The following ODAD3 variants were observed in gnomAD, a reference collection of about 807,000 sequenced individuals.
ODAD3 encodes the protein outer dynein arm-docking complex subunit 3.
Under a neutral mutation model 70.9 loss-of-function variants are expected in ODAD3, and 57 were observed. The ratio of observed to expected loss-of-function variants is 0.80; its 90% confidence interval spans 0.65 to 1.00. The LOEUF (loss-of-function observed/expected upper bound fraction) is 1.00, where lower values mean the gene tolerates loss of function less well. ODAD3 is among the 50% of genes least tolerant of loss of function. The probability of loss-of-function intolerance (pLI) is 0.00; values close to 1 mark genes in which losing one functional copy is unlikely to be tolerated. For missense variants in ODAD3, 797 were observed against 763.9 expected, an observed-to-expected ratio of 1.04 and a Z score of -0.51; for synonymous variants, 327 against 315.9, an observed-to-expected ratio of 1.04 and a Z score of -0.37.
Position 11,421,198 on chromosome 19 carries a change from T to C in ODAD3, c.1605A>G (p.Leu535=). The C allele has an allele frequency of 6.2e-7, 1 of 1,613,184 alleles. No individual in the cohort carries two copies. Among genetic ancestry groups the C allele is most frequent in the Admixed American group, 1.7e-5 (1 of 59,900 alleles). The change falls in exon 12 of 13, where the codon TTA becomes TTG. Residue 535 remains leucine, a synonymous_variant. Coordinates refer to ENST00000356392, the MANE Select transcript of ODAD3 (RefSeq NM_145045.5). ...TGTTGTATTCGGGCAGCCTTCCCTCTAAGCTGGCGAGGAACTAAGCGGGGA... is the reference window on the plus strand; with the variant it reads ...TGTTGTATTCGGGCAGCCTTCCCTCCAAGCTGGCGAGGAACTAAGCGGGGA... The part of the protein sequence containing the change: ...HIANREFLAS[L]EGRLPEYNTR...
rs759679831 is a variant in ODAD3, at chr19:11,421,189, C to A, written c.1614G>T (p.Arg538Ser). The A allele has an allele frequency of 7.4e-6, 12 of 1,613,548 alleles. No homozygotes were observed. The highest frequency in any genetic ancestry group is 1.0e-5 in the Non-Finnish European group (12 of 1,179,894). The change falls in exon 12 of 13, where the codon AGG becomes AGT. Residue 538 changes from arginine (R) to serine (S), a missense_variant. Coordinates refer to ENST00000356392, the MANE Select transcript of ODAD3 (RefSeq NM_145045.5). The part of the protein sequence containing the change: ...NREFLASLEG[R>S]LPEYNTRIAL... ...CGATGCGGGTGTTGTATTCGGGCAG[C>A]CTTCCCTCTAAGCTGGCGAGGAACT...
chr19:11,435,560 C>A, upstream of ODAD3: 1 of 698,860 alleles, frequency 1.4e-6, no homozygotes, highest in South Asian at 1.5e-5. Context: ...CCTCTCCCAA[C>A]ATGGCGACCC....
In ODAD3 at chr19:11,426,547, G is replaced by T. The variant is rs888144927; in HGVS notation, c.739C>A (p.Arg247=). 1.9e-6 allele frequency: 3 copies of T among 1,614,030 alleles called. No individual in the cohort carries two copies. Among genetic ancestry groups the T allele is most frequent in the South Asian group, 2.2e-5 (2 of 91,082 alleles). The change falls in exon 6 of 13, where the codon CGG becomes AGG. Residue 247 remains arginine (R), a synonymous_variant. Coordinates refer to ENST00000356392, the MANE Select transcript of ODAD3 (RefSeq NM_145045.5). ...ACCTCAGCCTCCATGGAGTCCAGCC[G>T]GTTCTCCAAGTTGAGGCTCTCGTCC... The part of the protein sequence containing the change: ...LMDESLNLEN[R]LDSMEAEVVR...
At position 11,422,237 on chromosome 19, in the gene ODAD3, G is replaced by T. The variant is rs1256040445; in HGVS notation, c.1434+234C>A. On this transcript the variant is annotated intron_variant, in intron 10 of 12. Transcript: ENST00000356392. The surrounding 1 kb of genome is among the most constrained non-coding windows in gnomAD (Gnocchi z 4.6). ...GAGGCGGAGCTTGAGACGGGACAGG[G>T]TCTCTGACGTCTTGGGCTTCCTTGG... Among the ~76,000 whole-genome samples, 1 of 152,020 alleles carries T rather than the reference G, an allele frequency of 6.6e-6. No homozygotes were observed. Among genetic ancestry groups the T allele is most frequent in the Non-Finnish European group, 1.5e-5 (1 of 67,974 alleles).
chr19:11,425,180 T>C (rs963141990), intron 7 of ODAD3, among the ~76,000 whole-genome samples: 2 of 138,430 alleles, frequency 1.4e-5, no homozygotes, highest in Admixed American at 7.0e-5. Context: ...TATGTACATA[T>C]GTGTATATAT....
Position 11,425,662 on chromosome 19 carries a change from T to TATGCATATAC in ODAD3, c.963+481_963+482insGTATATGCAT, listed in dbSNP as rs1969351381. Among the ~76,000 whole-genome samples, 4 of 138,048 alleles carry TATGCATATAC rather than the reference T, an allele frequency of 2.9e-5. 1 individual carries two copies. Among genetic ancestry groups the TATGCATATAC allele is most frequent in the African/African-American group, 1.3e-4 (4 of 31,912 alleles). The allele number at this position is 138,048 out of a possible 152,430, so 90.6% of individuals were successfully genotyped here. A position where few individuals can be genotyped will look rare whatever the true frequency, so the allele number is the denominator to read the frequency against. On this transcript the variant is annotated intron_variant, in intron 7 of 12. Transcript: ENST00000356392. ...ATATATGTATATACGTATATATATA[T>TATGCATATAC]ATATATATGCAAAAAAAACCTATCA...
chr19:11,425,209 A>G (rs1212672375), intron 7 of ODAD3, among the ~76,000 whole-genome samples: 3 of 140,542 alleles, frequency 2.1e-5, no homozygotes, highest in Non-Finnish European at 4.5e-5. Context: ...GTATGTGTAC[A>G]TATGTGTATA....
intron 8 of ODAD3, 32 bp downstream of exon 8, chr19:11,423,845 G>A (rs1416740091): frequency 2.7e-6 from 3 of 1,103,342 alleles, no homozygotes; most frequent in Non-Finnish European, 1.3e-6. Context: ...TGGGGGGGGG[G>A]CGCGGCGGAG....
At chr19:11,426,348 G>A in intron 6 of ODAD3, 82 bp from the exon 7 acceptor site, 1 of 1,606,238 alleles carries the variant, frequency 6.2e-7, no homozygotes, top group Non-Finnish European at 8.5e-7. Context: ...AGATGGGGGC[G>A]GGGGCGTAGG....
chr19:11,426,658 T>C (rs1230627577), intron 5 of ODAD3, 25 bp downstream of exon 5: 1 of 1,613,632 alleles, frequency 6.2e-7, no homozygotes. Flanking sequence ...GTTTGTCATC[T>C]CACCCGAGCC....
chr19:11,432,720 T>C (rs1969528086), intron 1 of ODAD3, among the ~76,000 whole-genome samples: 1 of 152,160 alleles, frequency 6.6e-6, no homozygotes, highest in African/African-American at 2.4e-5. Context: ...ACGCATATCA[T>C]ACCCCTTGCA....
In ODAD3 at chr19:11,422,486, C is replaced by T. The variant is rs1460390499; in HGVS notation, c.1419G>A (p.Leu473=). 3.8e-6 allele frequency: 6 copies of T among 1,593,362 alleles called. No homozygotes were observed. Among genetic ancestry groups the T allele is most frequent in the South Asian group, 2.3e-5 (2 of 87,906 alleles). Residue 473 remains leucine, a synonymous_variant, in exon 10 of 13, where the codon CTG becomes CTA. Transcript: ENST00000356392. The surrounding 1 kb of genome is among the most constrained non-coding windows in gnomAD (Gnocchi z 4.6). ...CGGGGCCTACCACAGTGATGTGGAT[C>T]AGCTTGCTGGCCAGGTGCTCCAGGC... ...KDSLEHLASK[L]IHITVEDGRF...
At position 11,420,717 on chromosome 19, in the gene ODAD3, CG is replaced by C; in HGVS notation, c.*117del. ...TTCCTCCCCTCCGGGCGCCGCTGGC[CG>C]CCTCCGTTCCCGGTCCGGGCCGCGT... On this transcript the variant is annotated 3_prime_UTR_variant, in exon 13 of 13. Transcript: ENST00000356392. 1 of 830,070 alleles carries C rather than the reference CG, an allele frequency of 1.2e-6. No homozygotes were observed. 51.4% of individuals were successfully genotyped at this position (830,070 alleles called of 1,614,324 possible).
chr19:11,420,846 G>A lies in ODAD3; in HGVS notation c.1777C>T (p.Arg593Trp). 1 of 1,613,934 alleles carries A rather than the reference G, an allele frequency of 6.2e-7. No homozygotes were observed. The highest frequency in any genetic ancestry group is 1.3e-5 in the African/African-American group (1 of 75,022). ...IESHKKHRRS[R>W]RS ...GTGTCAGGACGAGTCTAGGACCTCC[G>A]AGAGCGACGGTGCTTCTTGTGACTT... The change falls in exon 13 of 13, where the codon CGG becomes TGG. Residue 593 changes from arginine (R) to tryptophan (W), a missense_variant. Arg to Trp is a moderately radical substitution (Grantham distance 101). Transcript: ENST00000356392.
Position 11,421,554 on chromosome 19 carries a change from C to T in ODAD3, c.1590+123G>A, listed in dbSNP as rs1047577481. 37 of 1,309,878 alleles carry T rather than the reference C, an allele frequency of 2.8e-5. No individual in the cohort carries two copies. In the Middle Eastern group the frequency reaches 9.6e-4, roughly 34 times the overall value. 81.1% of individuals were successfully genotyped at this position (1,309,878 alleles called of 1,614,324 possible). On this transcript the variant is annotated intron_variant, in intron 11 of 12. Coordinates refer to ENST00000356392, the MANE Select transcript of ODAD3 (RefSeq NM_145045.5). ...CTCGTCAAACCTCGCCCGTTGTCCC[C>T]GAGACCCCTTCCTGGCTGATCAGCC...
rs1267068524 is a variant in ODAD3, at chr19:11,423,880, C to G, written c.1113G>C (p.Thr371=). The G allele has an allele frequency of 1.2e-6, 2 of 1,608,582 alleles. No homozygotes were observed. Among genetic ancestry groups the G allele is most frequent in the African/African-American group, 1.3e-5 (1 of 74,634 alleles). ...GAGGGCTGCGGGCAGAACTCACGTG[C>G]GTCTCGTCAGTGCCAGTGGCGTCCT... ...KVKDATGTDE[T]HSLVRRFLAQ... The change falls in exon 8 of 13, where the codon ACG becomes ACC. Residue 371 remains threonine (T), a synonymous_variant. Coordinates refer to ENST00000356392, the MANE Select transcript of ODAD3 (RefSeq NM_145045.5).
intron 1 of ODAD3, among the ~76,000 whole-genome samples, chr19:11,434,220 A>G (rs866299103): frequency 7.5e-6 from 1 of 133,904 alleles, no homozygotes; most frequent in African/African-American, 3.1e-5. Context: ...CTCAAAAAAC[A>G]AAAAACAAAA....
In ODAD3 at chr19:11,426,738, G is replaced by A. The variant is rs368057071; in HGVS notation, c.659C>T (p.Ala220Val). 2.7e-5 allele frequency: 44 copies of A among 1,613,714 alleles called. No individual in the cohort carries two copies. The African/African-American group carries it at 4.7e-4, about 17-fold the overall frequency. Residue 220 changes from alanine (A) to valine (V), a missense_variant, in exon 5 of 13, where the codon GCG becomes GTG. Coordinates refer to ENST00000356392, the MANE Select transcript of ODAD3 (RefSeq NM_145045.5). ...GCTGGTAATGTGCTCGGCCTCCTGC[G>A]CCTTCATCTGGGCCTTCTCCAGGCG... ...ENRLEKAQMK[A>V]QEAEHITSVY... is the part of the protein sequence containing the mutation.
rs766826603 is a variant in ODAD3 at position 11,422,567 on chromosome 19, G to A, written c.1338C>T (p.Ala446=). The change falls in exon 10 of 13, where the codon GCC becomes GCT. Residue 446 remains alanine, a synonymous_variant. Coordinates refer to ENST00000356392, the MANE Select transcript of ODAD3 (RefSeq NM_145045.5). This position sits in a 1 kb window ranked among gnomAD's most constrained non-coding sequence, Gnocchi z 4.6. ...CGCGCTCCAGCTGGTCCTTGGCCTC[G>A]GCGTGCCGCCGCTCCTCCTTCTTGA... The part of the protein sequence containing the change: ...ERLKKEERRH[A]EAKDQLERAL... The A allele has an allele frequency of 6.3e-7, 1 of 1,591,178 alleles. No individual in the cohort carries two copies. The highest frequency in any genetic ancestry group is 8.5e-7 in the Non-Finnish European group (1 of 1,171,018).
Sources: allele counts gnomAD v4.1 joint callset (sites outside exome capture counted in the v4.1 genomes callset), GRCh38; gene constraint gnomAD v4.1.1; non-coding constraint Gnocchi (gnomAD v3.1); transcripts MANE v1.5; gene names NCBI Gene and HGNC (gene_info 2026-07-23, HGNC 2026-07-21).